SLC14A2: variants seen among roughly 807,000 people sequenced by gnomAD.
The protein encoded by SLC14A2 is urea transporter 2.
In SLC14A2, 91 loss-of-function variants were observed where a neutral mutation model predicts 104.6. The ratio of observed to expected loss-of-function variants is 0.87; its 90% confidence interval spans 0.73 to 1.04. The LOEUF is 1.04. Among genes scored for constraint, SLC14A2 ranks in the 50% least tolerant of loss-of-function variants. The pLI is 0.00. For synonymous variants in SLC14A2, 476 were observed against 466.4 expected (o/e 1.02, Z -0.27); for missense variants, 1,189 against 1,156.0 (o/e 1.03, Z -0.41).
intron 1 of SLC14A2, among the ~76,000 whole-genome samples, chr18:45,464,507 C>A (rs2087103838): frequency 6.6e-6 from 1 of 152,144 alleles, no homozygotes. Flanking sequence ...AAGATAGATT[C>A]AAAAGCCACT....
intron 18 of SLC14A2, 135 bp from the exon 19 acceptor site, chr18:45,678,838 CAT>C (rs1182754337): frequency 7.9e-6 from 6 of 759,092 alleles, no homozygotes; most frequent in African/African-American, 1.8e-5. Context: ...GCAATGGAAA[CAT>C]AACTCAAATT....
At chr18:45,383,279 C>T (rs142885091) in intron 1 of SLC14A2, among the ~76,000 whole-genome samples, 20 of 152,236 alleles carry the variant, frequency 1.3e-4, no homozygotes, top group Admixed American at 2.6e-4. Flanking sequence ...TTCAGTGATG[C>T]GCAGAAAATG....
At chr18:45,487,801 C>T (rs904519287) in intron 2 of SLC14A2, among the ~76,000 whole-genome samples, 2 of 152,268 alleles carry the variant, frequency 1.3e-5, no homozygotes, top group Non-Finnish European at 2.9e-5. Flanking sequence ...ACTTTAAACT[C>T]TTTCTCTGAT....
At chr18:45,435,312 A>G (rs2086578835) in intron 1 of SLC14A2, 1 of 152,246 alleles carries the variant, frequency 6.6e-6, no homozygotes, top group Non-Finnish European at 1.5e-5. Flanking sequence ...GCTAGCAGGA[A>G]GATATTAGCC....
chr18:45,618,650 C>T (rs1481008299), intron 1 of SLC14A2, among the ~76,000 whole-genome samples: 1 of 98,728 alleles, frequency 1.0e-5, no homozygotes, highest in Admixed American at 1.7e-4. Flanking sequence ...AGCTGGGTGA[C>T]AAGAGCGAAA....
At chr18:45,454,278 A>T (rs1359466687) in intron 1 of SLC14A2, among the ~76,000 whole-genome samples, 2 of 152,218 alleles carry the variant, frequency 1.3e-5, no homozygotes, top group African/African-American at 4.8e-5. Context: ...AATGCATGTT[A>T]GACTAGTTAA....
intron 1 of SLC14A2, among the ~76,000 whole-genome samples, chr18:45,228,523 G>C (rs1412023394): frequency 6.6e-6 from 1 of 152,110 alleles, no homozygotes; most frequent in Non-Finnish European, 1.5e-5. Flanking sequence ...TTCATGTCCA[G>C]GTGACTGCCA....
At chr18:45,549,204 G>A (rs2044018152) in intron 2 of SLC14A2, among the ~76,000 whole-genome samples, 1 of 152,246 alleles carries the variant, frequency 6.6e-6, no homozygotes, top group African/African-American at 2.4e-5. Flanking sequence ...CATGAAGTAG[G>A]AATTTGGCTT....
rs927459499 is a variant in SLC14A2 at position 45,651,478 on chromosome 18, T to C, written c.1351+7318T>C. 3.3e-5 allele frequency among the ~76,000 whole-genome samples: 5 copies of C among 152,074 alleles called. 1 individual carries two copies. Among genetic ancestry groups the C allele is most frequent in the Admixed American group, 6.6e-5 (1 of 15,262 alleles). On this transcript the variant is annotated intron_variant, in intron 10 of 19. Coordinates refer to ENST00000255226, the MANE Select transcript of SLC14A2 (RefSeq NM_007163.4). The stretch of plus-strand genomic sequence containing the variant: ...GTGTTTCTCCAGAGCACAGAGGGAG[T>C]GCACTAGGTACGAGTGATAAGCAAA...
At chr18:45,592,700 T>A (rs2044665257) in intron 2 of SLC14A2, among the ~76,000 whole-genome samples, 1 of 152,216 alleles carries the variant, frequency 6.6e-6, no homozygotes. Flanking sequence ...GCCTGTTCTG[T>A]CTGGCTGTCT....
At chr18:45,536,158 G>C (rs1410455763) in intron 2 of SLC14A2, among the ~76,000 whole-genome samples, 2 of 152,216 alleles carry the variant, frequency 1.3e-5, no homozygotes, top group African/African-American at 4.8e-5. Flanking sequence ...ACAGTCTGGA[G>C]AGCATGGTGG....
At chr18:45,355,938 G>C (rs1205264550) in intron 1 of SLC14A2, among the ~76,000 whole-genome samples, 1 of 152,186 alleles carries the variant, frequency 6.6e-6, no homozygotes, top group Non-Finnish European at 1.5e-5. Flanking sequence ...GAGCTGGGGA[G>C]ACTAGAGGCA....
chr18:45,406,648 T>C (rs1034592273), intron 1 of SLC14A2, among the ~76,000 whole-genome samples: 3 of 152,176 alleles, frequency 2.0e-5, no homozygotes, highest in Non-Finnish European at 4.4e-5. Context: ...ATAATAAAAC[T>C]TGAAAGTCAC....
chr18:45,530,945 C>T (rs555993308), intron 2 of SLC14A2, among the ~76,000 whole-genome samples: 6 of 151,860 alleles, frequency 4.0e-5, no homozygotes, highest in East Asian at 1.9e-4. Flanking sequence ...TGAGAACATG[C>T]GGTGTTTGGT....
intron 10 of SLC14A2, among the ~76,000 whole-genome samples, chr18:45,659,105 G>A (rs1273259094): frequency 6.6e-6 from 1 of 152,168 alleles, no homozygotes; most frequent in Non-Finnish European, 1.5e-5. Context: ...AAGCAGGTAT[G>A]CCGAGGAGTT....
chr18:45,485,116 G>A (rs1365720617), intron 2 of SLC14A2: 1 of 152,176 alleles, frequency 6.6e-6, no homozygotes, highest in African/African-American at 2.4e-5. Flanking sequence ...GTGAAAAGGA[G>A]ATTCGCTATG....
chr18:45,516,483 G>A (rs2043443453), intron 2 of SLC14A2, among the ~76,000 whole-genome samples: 1 of 152,148 alleles, frequency 6.6e-6, no homozygotes, highest in Admixed American at 6.6e-5. Flanking sequence ...GCTGCCCCAG[G>A]GACGAGAGTG....
intron 1 of SLC14A2, among the ~76,000 whole-genome samples, chr18:45,289,228 T>A (rs549975495): frequency 6.6e-6 from 1 of 152,290 alleles, no homozygotes; most frequent in South Asian, 2.1e-4. Flanking sequence ...ATCACATTTT[T>A]AATCTTCTTT....
At chr18:45,256,163 A>G (rs1271608869) in intron 1 of SLC14A2, among the ~76,000 whole-genome samples, 1 of 152,136 alleles carries the variant, frequency 6.6e-6, no homozygotes, top group Non-Finnish European at 1.5e-5. Flanking sequence ...TTTATCTAAC[A>G]TTCCCTAGTT....
Sources: allele counts gnomAD v4.1 joint callset (sites outside exome capture counted in the v4.1 genomes callset), GRCh38; gene constraint gnomAD v4.1.1; transcripts MANE v1.5; gene names NCBI Gene and HGNC (gene_info 2026-07-23, HGNC 2026-07-21).